The following CDH4 variants were observed in gnomAD, a reference collection of about 807,000 sequenced individuals.
CDH4 encodes the protein cadherin-4.
CDH4 carries 33 observed loss-of-function variants against 86.0 expected under a neutral mutation model. The observed-to-expected ratio is 0.38, with a 90% CI of 0.29 to 0.51. CDH4 has a LOEUF of 0.51. CDH4 is among the 20% of genes least tolerant of loss of function. The pLI, the probability that CDH4 is intolerant of heterozygous loss-of-function variation, is 0.86. For missense variants in CDH4, 1,114 were observed against 1,307.4 expected, an observed-to-expected ratio of 0.85 and a Z score of 2.28; for synonymous variants, 555 against 549.4, an observed-to-expected ratio of 1.01 and a Z score of -0.14.
At chr20:61,686,510 T>C (rs1198471610) in intron 2 of CDH4, among the ~76,000 whole-genome samples, 4 of 151,072 alleles carry the variant, frequency 2.6e-5, no homozygotes, top group Non-Finnish European at 5.9e-5. Context: ...TGTGTATATG[T>C]GTGTGCATTC....
At chr20:61,899,746 A>G (rs911022372) in intron 8 of CDH4, among the ~76,000 whole-genome samples, 3 of 152,136 alleles carry the variant, frequency 2.0e-5, no homozygotes, top group African/African-American at 7.2e-5. Context: ...TATTTTTTGA[A>G]TAAAGAGGGA....
At chr20:61,700,617 T>A (rs187850097) in intron 2 of CDH4, among the ~76,000 whole-genome samples, 1 of 152,236 alleles carries the variant, frequency 6.6e-6, no homozygotes, top group East Asian at 1.9e-4. Context: ...CCGTACGGCC[T>A]CACTGTGGGG....
intron 2 of CDH4, among the ~76,000 whole-genome samples, chr20:61,723,370 G>C (rs62197829): frequency 1.3e-5 from 2 of 151,826 alleles, no homozygotes; most frequent in Non-Finnish European, 2.9e-5. Context: ...AGCACCGTGC[G>C]CCATGGGGCA....
rs188472435 is a variant in CDH4, at chr20:61,617,497, T to C, written c.170-126066T>C. Reference sequence around the variant, plus strand: ...GAGAACGTCCCCCCATTCCCCGTTTTCAAGAAGTCATAGGAGGAGCATAAA... The same window carrying C: ...GAGAACGTCCCCCCATTCCCCGTTTCCAAGAAGTCATAGGAGGAGCATAAA... On this transcript the variant is annotated intron_variant, in intron 2 of 15. Coordinates refer to ENST00000614565, the MANE Select transcript of CDH4 (RefSeq NM_001794.5). 5.3e-5 allele frequency among the ~76,000 whole-genome samples: 8 copies of C among 152,334 alleles called. No individual in the cohort carries two copies. In the East Asian group the frequency reaches 1.5e-3, roughly 29 times the overall value.
chr20:61,369,341 C>G (rs1449424210), intron 2 of CDH4, among the ~76,000 whole-genome samples: 4 of 149,554 alleles, frequency 2.7e-5, no homozygotes, highest in African/African-American at 9.9e-5. Flanking sequence ...GTCCCAGCTA[C>G]TCAGGAGGCT....
intron 2 of CDH4, among the ~76,000 whole-genome samples, chr20:61,485,812 C>T (rs574243466): frequency 1.1e-4 from 16 of 152,334 alleles, no homozygotes; most frequent in South Asian, 6.2e-4. Flanking sequence ...TTGCCCCATA[C>T]GGGTTTCTGT....
chr20:61,701,798 A>G (rs562760458), intron 2 of CDH4, among the ~76,000 whole-genome samples: 18 of 152,348 alleles, frequency 1.2e-4, no homozygotes, highest in South Asian at 2.1e-4. Context: ...CAAAGCGTCC[A>G]TTGGCAAAAC....
intron 2 of CDH4, among the ~76,000 whole-genome samples, chr20:61,304,119 T>C (rs915207868): frequency 2.0e-5 from 3 of 152,134 alleles, no homozygotes; most frequent in African/African-American, 7.2e-5. Context: ...GGCCAGGCAT[T>C]CCTTTCCTCA....
At chr20:61,553,881 G>C (rs181973586) in intron 2 of CDH4, among the ~76,000 whole-genome samples, 272 of 152,324 alleles carry the variant, frequency 1.8e-3, no homozygotes, top group Non-Finnish European at 1.0e-3. Flanking sequence ...TCCAAAATGA[G>C]TCATGACTCC....
chr20:61,650,620 G>C (rs575483695), intron 2 of CDH4, among the ~76,000 whole-genome samples: 1 of 152,272 alleles, frequency 6.6e-6, no homozygotes, highest in African/African-American at 2.4e-5. Context: ...CCTGGCATGA[G>C]ACAAGTAGCT....
At chr20:61,530,411 C>A (rs1282967437) in intron 2 of CDH4, among the ~76,000 whole-genome samples, 1 of 152,096 alleles carries the variant, frequency 6.6e-6, no homozygotes, top group East Asian at 1.9e-4. Flanking sequence ...AGTCTGGGGC[C>A]TTTTGGTCTT....
chr20:61,839,823 T>C (rs1244307669), intron 4 of CDH4, among the ~76,000 whole-genome samples: 2 of 151,958 alleles, frequency 1.3e-5, no homozygotes. Context: ...ATGTGTGTTG[T>C]GTGTCTGTGT....
Position 61,623,462 on chromosome 20 carries a change from A to AATAATGT in CDH4, c.170-120100_170-120099insTAATGTA. Among the ~76,000 whole-genome samples the AATAATGT allele has an allele frequency of 6.6e-6, 1 of 152,230 alleles. No homozygotes were observed. The highest frequency in any genetic ancestry group is 3.2e-3 in the Middle Eastern group (1 of 316). ...CTTCTTTATATAGATTACACCTTCC[A>AATAATGT]AAGCCTTCAGAAATACCATTACAAT... is the stretch of plus-strand genomic sequence containing the variant. On this transcript the variant is annotated intron_variant, in intron 2 of 15. Transcript: ENST00000614565. The surrounding 1 kb of genome is among the most constrained non-coding windows in gnomAD (Gnocchi z 4.4).
At chr20:61,730,925 T>C (rs2088172312) in intron 2 of CDH4, among the ~76,000 whole-genome samples, 1 of 145,528 alleles carries the variant, frequency 6.9e-6, no homozygotes, top group African/African-American at 2.5e-5. Context: ...GGGTGTCCAG[T>C]TGGGGTATCC....
At chr20:61,834,220 A>G (rs933379947) in intron 4 of CDH4, among the ~76,000 whole-genome samples, 1 of 152,182 alleles carries the variant, frequency 6.6e-6, no homozygotes, top group Non-Finnish European at 1.5e-5. Context: ...CTCCAGCCTC[A>G]TGGCTTCCTT....
intron 2 of CDH4, among the ~76,000 whole-genome samples, chr20:61,600,210 CTAATT>C (rs2086589207): frequency 6.6e-6 from 1 of 152,240 alleles, no homozygotes; most frequent in Non-Finnish European, 1.5e-5. Context: ...GCCTGTGCAT[CTAATT>C]TTAGTGAAGA....
At chr20:61,312,545 C>T (rs1258150520) in intron 2 of CDH4, among the ~76,000 whole-genome samples, 2 of 152,074 alleles carry the variant, frequency 1.3e-5, no homozygotes, top group Non-Finnish European at 2.9e-5. Context: ...GACCCCTTGC[C>T]CCTGCAGTCC....
At chr20:61,742,324 A>G (rs1279142347) in intron 2 of CDH4, among the ~76,000 whole-genome samples, 1 of 152,200 alleles carries the variant, frequency 6.6e-6, no homozygotes, top group African/African-American at 2.4e-5. Context: ...TTTTCACATG[A>G]AAATGTTTCA....
chr20:61,904,593 G>A (rs2054768268), intron 8 of CDH4, among the ~76,000 whole-genome samples: 1 of 152,152 alleles, frequency 6.6e-6, no homozygotes, highest in Admixed American at 6.5e-5. Context: ...CACCGACCCT[G>A]TACCAGGTGC....
Sources: gnomAD v4.1 joint callset for allele counts (sites outside exome capture counted in the v4.1 genomes callset) on GRCh38, gnomAD v4.1.1 for gene constraint, Gnocchi (gnomAD v3.1) non-coding constraint, MANE v1.5 for transcripts, NCBI Gene and HGNC (gene_info 2026-07-23, HGNC 2026-07-21) for gene names.